WDR81: variants seen among roughly 807,000 people sequenced by gnomAD.
WDR81 encodes WD repeat-containing protein 81.
In WDR81, 92 loss-of-function variants were observed where a neutral mutation model predicts 140.8. That is an observed-to-expected ratio of 0.65 (90% CI 0.55 to 0.78). WDR81 has a LOEUF of 0.78. WDR81 is among the 30% of genes least tolerant of loss of function. The pLI, the probability that WDR81 is intolerant of heterozygous loss-of-function variation, is 0.00. For synonymous variants in WDR81, 1,183 were observed against 1,156.4 expected (o/e 1.02, Z -0.47); for missense variants, 2,502 against 2,636.4 (o/e 0.95, Z 1.12).
rs1289783991 is a variant in WDR81 at position 1,733,714 on chromosome 17, T to C, written c.4677T>C (p.Phe1559=). ...CPQDDGHSGT[F]GSVLVGNRIQ... The stretch of plus-strand genomic sequence containing the variant: ...AGGATGACGGCCACTCAGGGACCTT[T>C]GGGAGCGTCCTGGTGGGGAACCGCA... Residue 1559 remains phenylalanine, a synonymous_variant, in exon 7 of 10, where the codon TTT becomes TTC. Transcript: ENST00000409644. 1 of 1,612,572 alleles carries C rather than the reference T, an allele frequency of 6.2e-7. No individual in the cohort carries two copies. Among genetic ancestry groups the C allele is most frequent in the South Asian group, 1.1e-5 (1 of 91,062 alleles).
At position 1,737,663 on chromosome 17, in the gene WDR81, G is replaced by A. The variant is rs1476256003; in HGVS notation, c.5804G>A (p.Gly1935Glu). 1.9e-6 allele frequency: 3 copies of A among 1,611,042 alleles called. No individual in the cohort carries two copies. In the East Asian group the frequency reaches 6.7e-5, roughly 36 times the overall value. ...CACCTCCTGCTGGGCTCAGACAACGGGGTTATCCGCCTCCTGGCATAGACT... is the reference window on the plus strand; with the variant it reads ...CACCTCCTGCTGGGCTCAGACAACGAGGTTATCCGCCTCCTGGCATAGACT... ...KRHLLLGSDNGVIRLLA is the reference protein window; with the variant it reads ...KRHLLLGSDNEVIRLLA Residue 1935 changes from glycine to glutamate, a missense_variant, in exon 10 of 10, where the codon GGG (glycine) becomes GAG (glutamate). Transcript: ENST00000409644.
At chr17:1,723,060 A>G (rs1308878205), upstream of WDR81, among the ~76,000 whole-genome samples, 1 of 152,206 alleles carries the variant, frequency 6.6e-6, no homozygotes, top group African/African-American at 2.4e-5. Context: ...TTCAAGAGGC[A>G]AACTCTCTCC....
Position 1,737,605 on chromosome 17 carries a change from C to T in WDR81, c.5746C>T (p.Leu1916Phe), listed in dbSNP as rs1369549124. 6.8e-6 allele frequency: 11 copies of T among 1,612,702 alleles called. No individual in the cohort carries two copies. The highest frequency in any genetic ancestry group is 1.3e-5 in the African/African-American group (1 of 74,942). ...CAGCTCTGAGAACTTCCGCGGCACG[C>T]TCACCAGCCTGGCCTTGCTGCCCAC... The part of the protein sequence containing the change: ...KLSSENFRGT[L>F]TSLALLPTKR... Residue 1916 changes from leucine to phenylalanine, a missense_variant, in exon 10 of 10, where the codon CTC (leucine) becomes TTC (phenylalanine). Leu to Phe is a conservative substitution (Grantham distance 22). This residue lies in a region of WDR81 where 1,737 missense variants were observed against 1,843.0 expected (regional missense o/e 0.94). Transcript: ENST00000409644.
upstream of WDR81, among the ~76,000 whole-genome samples, chr17:1,720,443 T>A (rs1914803547): frequency 6.6e-6 from 1 of 152,194 alleles, no homozygotes; most frequent in Non-Finnish European, 1.5e-5. Context: ...TGTTAAACAT[T>A]TAGATAGCTG....
rs1255243909 is a variant in WDR81, at chr17:1,737,631, T to C, written c.5772T>C (p.Thr1924=). ...TCACCAGCCTGGCCTTGCTGCCCAC[T>C]AAACGCCACCTCCTGCTGGGCTCAG... ...GTLTSLALLP[T]KRHLLLGSDN... The change falls in exon 10 of 10, where the codon ACT becomes ACC. Residue 1924 remains threonine, a synonymous_variant. Transcript: ENST00000409644. 6.2e-7 allele frequency: 1 copy of C among 1,612,412 alleles called. No homozygotes were observed. The highest frequency in any genetic ancestry group is 8.5e-7 in the Non-Finnish European group (1 of 1,179,966).
At position 1,716,670 on chromosome 17, in the gene WDR81, C is replaced by T. The variant is rs1038078959; in HGVS notation, c.-124+37C>T. ...TTTTTAAACTGAGCTCGGAATCCAGCCCGGGGAAGTCCTTAAAGGGCGACA... is the reference window on the plus strand; with the variant it reads ...TTTTTAAACTGAGCTCGGAATCCAGTCCGGGGAAGTCCTTAAAGGGCGACA... On this transcript the variant is annotated intron_variant, in intron 1 of 10. Coordinates refer to the WDR81 transcript ENST00000309182. The T allele has an allele frequency of 5.2e-6, 8 of 1,550,386 alleles. No homozygotes were observed. The Admixed American group carries it at 5.9e-5, about 11-fold the overall frequency.
At position 1,725,275 on chromosome 17, in the gene WDR81, G is replaced by T. The variant is rs909470717; in HGVS notation, c.316G>T (p.Glu106Ter). ...QRLPAGWTRV[E>*]VHGLRKRRLS... The stretch of plus-strand genomic sequence containing the variant: ...GCTGCCTGCCGGCTGGACGCGCGTG[G>T]AGGTGCATGGGCTGCGGAAGCGGAG... The change falls in exon 1 of 10, where the codon GAG becomes TAG. Residue 106 changes from glutamate to a stop codon, truncating the protein, a stop_gained. Transcript: ENST00000409644. LOFTEE classifies it high-confidence loss of function. The T allele has an allele frequency of 1.9e-6, 3 of 1,545,932 alleles. No homozygotes were observed. Among genetic ancestry groups the T allele is most frequent in the African/African-American group, 1.4e-5 (1 of 73,068 alleles).
Position 1,727,323 on chromosome 17 carries a change from G to T in WDR81, c.2364G>T (p.Arg788=). ...LAEMVFATRV[R]TLQPDAPLWV... ...AGATGGTGTTTGCCACCAGGGTGCG[G>T]ACGCTGCAGCCCGATGCACCTTTGT... is the stretch of plus-strand genomic sequence containing the variant. The change falls in exon 1 of 10, where the codon CGG becomes CGT. Residue 788 remains arginine, a synonymous_variant. Coordinates refer to ENST00000409644, the MANE Select transcript of WDR81 (RefSeq NM_001163809.2). 1.9e-6 allele frequency: 3 copies of T among 1,549,986 alleles called. No homozygotes were observed. Among genetic ancestry groups the T allele is most frequent in the Non-Finnish European group, 2.6e-6 (3 of 1,146,988 alleles).
intron 1 of WDR81, chr17:1,716,757 C>T (rs557574021): frequency 5.8e-4 from 635 of 1,091,914 alleles, no homozygotes; most frequent in Non-Finnish European, 7.7e-4. Flanking sequence ...ACTCGCCGGC[C>T]TCTGCGGGAC....
rs1290919370 is a variant in WDR81 at position 1,727,070 on chromosome 17, A to G, written c.2111A>G (p.Asn704Ser). 16 of 1,549,894 alleles carry G rather than the reference A, an allele frequency of 1.0e-5. No homozygotes were observed. Among genetic ancestry groups the G allele is most frequent in the Non-Finnish European group, 1.4e-5 (16 of 1,146,756 alleles). The change falls in exon 1 of 10, where the codon AAT becomes AGT. Residue 704 changes from asparagine (N) to serine (S), a missense_variant. Asn to Ser is a conservative substitution (Grantham distance 46, BLOSUM62 1). Coordinates refer to ENST00000409644, the MANE Select transcript of WDR81 (RefSeq NM_001163809.2). The part of the protein sequence containing the change: ...VASASRPGRR[N>S]KAAGADPGEG... ...TCAGCCTCCCGTCCAGGCCGCAGGA[A>G]TAAAGCTGCTGGGGCAGACCCTGGG...
chr17:1,729,108 C>T (rs1313474735), intron 1 of WDR81, among the ~76,000 whole-genome samples: 1 of 152,190 alleles, frequency 6.6e-6, no homozygotes, highest in African/African-American at 2.4e-5. Flanking sequence ...CGAGATGCCG[C>T]AGTGCAGACA....
chr17:1,716,591 G>C (rs989043598), exon 1 of WDR81: 1 of 1,551,608 alleles, frequency 6.4e-7, no homozygotes, highest in Non-Finnish European at 8.7e-7. Context: ...GGTCCGTGTA[G>C]TTCTCAGCCT....
In WDR81 at chr17:1,725,308, T is replaced by C. The variant is rs1484193900; in HGVS notation, c.349T>C (p.Tyr117His). The part of the protein sequence containing the change: ...VHGLRKRRLS[Y>H]PLGGGLPFED... The stretch of plus-strand genomic sequence containing the variant: ...TGGGCTGCGGAAGCGGAGACTGTCC[T>C]ACCCTCTGGGCGGGGGCCTGCCCTT... Residue 117 changes from tyrosine to histidine, a missense_variant, in exon 1 of 10, where the codon TAC becomes CAC. Physicochemically the swap from Tyr to His is moderately conservative, Grantham distance 83. Transcript: ENST00000409644. The C allele has an allele frequency of 1.3e-6, 2 of 1,548,248 alleles. No individual in the cohort carries two copies. Among genetic ancestry groups the C allele is most frequent in the East Asian group, 2.4e-5 (1 of 40,938 alleles).
rs1209431364 is a variant in WDR81 at position 1,732,841 on chromosome 17, C to T, written c.4489+10C>T. The stretch of plus-strand genomic sequence containing the variant: ...TTCTCCTGCCTGTTGGGTACTGCCC[C>T]ATCACGTTCCCCATCACAGTCTTCG... On this transcript the variant is annotated intron_variant, in intron 6 of 9. Transcript: ENST00000409644. 2.5e-6 allele frequency: 4 copies of T among 1,586,802 alleles called. No individual in the cohort carries two copies. Among genetic ancestry groups the T allele is most frequent in the African/African-American group, 1.3e-5 (1 of 74,328 alleles).
At chr17:1,720,783 AG>A (rs1263862514), upstream of WDR81, among the ~76,000 whole-genome samples, 8 of 148,648 alleles carry the variant, frequency 5.4e-5, no homozygotes, top group Non-Finnish European at 1.2e-4. Context: ...AAAAAAAAAA[AG>A]AATTATGCCC....
rs751023754 is a variant in WDR81 at position 1,734,189 on chromosome 17, G to T, written c.5152G>T (p.Ala1718Ser). 19 of 1,594,550 alleles carry T rather than the reference G, an allele frequency of 1.2e-5. No individual in the cohort carries two copies. The highest frequency in any genetic ancestry group is 1.6e-5 in the Non-Finnish European group (19 of 1,177,384). Residue 1718 changes from alanine (A) to serine (S), a missense_variant, in exon 7 of 10, where the codon GCT becomes TCT. By Grantham distance (99) the Ala-to-Ser change is moderately conservative. Coordinates refer to ENST00000409644, the MANE Select transcript of WDR81 (RefSeq NM_001163809.2). Reference protein sequence around the residue: ...APQHVVSCDGAVHVWDPFTGK... With the variant: ...APQHVVSCDGSVHVWDPFTGK... Reference sequence around the variant, plus strand: ...GCAGCACGTGGTGAGCTGTGACGGGGCTGTGCACGTCTGGGACCCCTTCAC... The same window carrying T: ...GCAGCACGTGGTGAGCTGTGACGGGTCTGTGCACGTCTGGGACCCCTTCAC...
chr17:1,730,852 G>T lies in WDR81; in HGVS notation c.3873G>T (p.Val1291=), dbSNP rs1266375475. 3.1e-6 allele frequency: 5 copies of T among 1,612,864 alleles called. No homozygotes were observed. The highest frequency in any genetic ancestry group is 4.2e-6 in the Non-Finnish European group (5 of 1,179,994). Residue 1291 remains valine, a synonymous_variant, in exon 3 of 10, where the codon GTG becomes GTT. Transcript: ENST00000409644. ...YQKRPVLGDI[V]SGPVLSCLLH... ...AGAGGCCGGTCCTGGGCGACATCGT[G>T]TCAGGGCCTGTGCTCAGCTGCCTCC...
intron 1 of WDR81, among the ~76,000 whole-genome samples, chr17:1,728,964 A>G (rs892668052): frequency 6.6e-6 from 1 of 152,012 alleles, no homozygotes; most frequent in Admixed American, 6.6e-5. Flanking sequence ...AAAAAACAAA[A>G]CAAAACAAAA....
intron 1 of WDR81, among the ~76,000 whole-genome samples, chr17:1,719,479 C>T (rs1296047563): frequency 3.3e-5 from 5 of 150,314 alleles, no homozygotes; most frequent in Non-Finnish European, 5.9e-5. Context: ...ACCCAGGAGG[C>T]GGAGCTTTGC....
Sources: gnomAD v4.1 joint callset for allele counts (sites outside exome capture counted in the v4.1 genomes callset) on GRCh38, gnomAD v4.1.1 for gene constraint, gnomAD v4.1.1 regional missense constraint, MANE v1.5 for transcripts, NCBI Gene and HGNC (gene_info 2026-07-23, HGNC 2026-07-21) for gene names.